ROBO1: variants seen among roughly 807,000 people sequenced by gnomAD.
ROBO1 encodes the protein roundabout homolog 1.
ROBO1 carries 149 observed loss-of-function variants against 195.9 expected under a neutral mutation model. The ratio of observed to expected loss-of-function variants is 0.76; its 90% CI spans 0.67 to 0.87. The LOEUF is 0.87. Among genes scored for constraint, ROBO1 ranks in the 40% least tolerant of loss-of-function variants. The pLI is 0.00. For synonymous variants in ROBO1, 816 were observed against 733.2 expected (o/e 1.11, Z -1.82); for missense variants, 1,933 against 2,068.3 (o/e 0.93, Z 1.27).
At chr3:79,642,313 G>T (rs915973326) in intron 1 of ROBO1, among the ~76,000 whole-genome samples, 13 of 152,050 alleles carry the variant, frequency 8.5e-5, no homozygotes, top group Non-Finnish European at 1.6e-4. Context: ...AGAATTATTA[G>T]TATTCAAGGG....
intron 3 of ROBO1, among the ~76,000 whole-genome samples, chr3:79,052,899 A>G (rs2078730968): frequency 3.3e-5 from 5 of 152,016 alleles, no homozygotes; most frequent in Admixed American, 2.6e-4. Flanking sequence ...CGGGTTAACT[A>G]TGGGTCACAA....
At chr3:79,214,346 C>T (rs754909789) in intron 2 of ROBO1, among the ~76,000 whole-genome samples, 2 of 151,948 alleles carry the variant, frequency 1.3e-5, no homozygotes, top group African/African-American at 2.4e-5. Context: ...AGGTGTTTTT[C>T]GCTTCTCTGT....
intron 2 of ROBO1, among the ~76,000 whole-genome samples, chr3:79,281,925 T>C (rs1328715781): frequency 6.6e-6 from 1 of 152,210 alleles, no homozygotes; most frequent in African/African-American, 2.4e-5. Flanking sequence ...TGAATAAATA[T>C]TTTTGCAACC....
At chr3:79,189,362 A>G (rs2081498498) in intron 2 of ROBO1, among the ~76,000 whole-genome samples, 2 of 151,800 alleles carry the variant, frequency 1.3e-5, no homozygotes, top group South Asian at 4.1e-4. Context: ...TTTTCTTTGA[A>G]CTAAATAAAT....
intron 4 of ROBO1, among the ~76,000 whole-genome samples, chr3:78,811,439 G>C (rs2084736109): frequency 6.6e-6 from 1 of 152,114 alleles, no homozygotes; most frequent in South Asian, 2.1e-4. Context: ...ACAAAGCATA[G>C]TAACCTTGTA....
At chr3:78,600,831 G>C (rs1166652727) in intron 29 of ROBO1, among the ~76,000 whole-genome samples, 9 of 152,088 alleles carry the variant, frequency 5.9e-5, no homozygotes, top group Admixed American at 3.9e-4. Flanking sequence ...TAAGGAATTG[G>C]TAAAAATCAA....
At chr3:79,719,472 T>C (rs1199978479) in intron 1 of ROBO1, among the ~76,000 whole-genome samples, 2 of 152,160 alleles carry the variant, frequency 1.3e-5, no homozygotes, top group Non-Finnish European at 2.9e-5. Context: ...AGGAAAACTT[T>C]TGTGAAGGAG....
intron 4 of ROBO1, among the ~76,000 whole-genome samples, chr3:78,758,304 C>T (rs748726129): frequency 2.0e-5 from 3 of 152,028 alleles, no homozygotes; most frequent in African/African-American, 7.2e-5. Context: ...GGACTGCCTG[C>T]GCCCAGCAGT....
intron 3 of ROBO1, among the ~76,000 whole-genome samples, chr3:78,951,012 CTATATCA>C (rs1470191790): frequency 6.6e-6 from 1 of 151,464 alleles, no homozygotes; most frequent in African/African-American, 2.4e-5. Flanking sequence ...GAGGGAAAAC[CTATATCA>C]TAAATAATAT....
intron 2 of ROBO1, among the ~76,000 whole-genome samples, chr3:79,438,208 C>A (rs947690091): frequency 6.6e-6 from 1 of 151,452 alleles, no homozygotes; most frequent in African/African-American, 2.4e-5. Flanking sequence ...ATTTAAATAC[C>A]TGCATTTTTA....
At position 78,600,186 on chromosome 3, in the gene ROBO1, C is replaced by A. The variant is rs1703087253; in HGVS notation, c.4868G>T (p.Gly1623Val). 2 of 1,613,600 alleles carry A rather than the reference C, an allele frequency of 1.2e-6. No homozygotes were observed. The highest frequency in any genetic ancestry group is 2.2e-5 in the East Asian group (1 of 44,826). ...GSRQREQANV[G>V]RRNIAEMQVL... Reference sequence around the variant, plus strand: ...CTGCATTTCTGCAATATTTCTTCGACCTACATTTGCTTGTTCTCTTTGTCT... The same window carrying A: ...CTGCATTTCTGCAATATTTCTTCGAACTACATTTGCTTGTTCTCTTTGTCT... Residue 1623 changes from glycine to valine, a missense_variant, in exon 30 of 31, where the codon GGT becomes GTT. By Grantham distance (109) the Gly-to-Val change is moderately radical (BLOSUM62 -3). Transcript: ENST00000464233.
intron 3 of ROBO1, among the ~76,000 whole-genome samples, chr3:79,039,732 C>G (rs2078447602): frequency 7.7e-6 from 1 of 129,066 alleles, no homozygotes; most frequent in South Asian, 2.5e-4. Context: ...ACCCGGGAGG[C>G]AGAGGTTGCA....
intron 2 of ROBO1, among the ~76,000 whole-genome samples, chr3:79,271,696 A>G (rs938217436): frequency 3.0e-4 from 46 of 151,412 alleles, no homozygotes; most frequent in African/African-American, 9.4e-4. Context: ...GTATATGTGT[A>G]TATATATATA....
chr3:78,955,366 C>A (rs1047107161), intron 3 of ROBO1, among the ~76,000 whole-genome samples: 1 of 152,090 alleles, frequency 6.6e-6, no homozygotes, highest in South Asian at 2.1e-4. Flanking sequence ...CTCCTCCCAA[C>A]CTTCACCCTC....
At chr3:79,447,143 G>C (rs974403889) in intron 2 of ROBO1, among the ~76,000 whole-genome samples, 2 of 152,070 alleles carry the variant, frequency 1.3e-5, no homozygotes, top group African/African-American at 4.8e-5. Context: ...ATGTAAACTT[G>C]ATTACAGGTG....
At chr3:79,336,028 G>A (rs2034652062) in intron 2 of ROBO1, among the ~76,000 whole-genome samples, 1 of 152,158 alleles carries the variant, frequency 6.6e-6, no homozygotes, top group African/African-American at 2.4e-5. Flanking sequence ...ATGGAACTTT[G>A]AACTTGAGAG....
Position 79,125,528 on chromosome 3 carries a change from C to T in ROBO1, c.100G>A (p.Val34Ile). 1 of 1,613,392 alleles carries T rather than the reference C, an allele frequency of 6.2e-7. No homozygotes were observed. Among genetic ancestry groups the T allele is most frequent in the East Asian group, 2.2e-5 (1 of 44,846 alleles). ...GTCCCGTGGTCGTTCCCCCTCTCTA[C>T]ATCTTCAGGGTCTGTCGGAAACAAC... is the stretch of plus-strand genomic sequence containing the variant. ...LAQLIPDPED[V>I]ERGNDHGTPI... is the part of the protein sequence containing the mutation. The change falls in exon 3 of 31, where the codon GTA (valine) becomes ATA (isoleucine). Residue 34 changes from valine (V) to isoleucine (I), a missense_variant. By Grantham distance (29) the Val-to-Ile change is conservative. Coordinates refer to ENST00000464233, the MANE Select transcript of ROBO1 (RefSeq NM_002941.4).
chr3:79,327,859 A>G (rs959522856), intron 2 of ROBO1, among the ~76,000 whole-genome samples: 4 of 152,308 alleles, frequency 2.6e-5, no homozygotes, highest in African/African-American at 9.6e-5. Context: ...CAACAATGCA[A>G]TAATGGAAAT....
chr3:79,368,922 TTAAG>T (rs2036080067), intron 2 of ROBO1, among the ~76,000 whole-genome samples: 1 of 152,158 alleles, frequency 6.6e-6, no homozygotes, highest in African/African-American at 2.4e-5. Context: ...CAGCAATTCT[TTAAG>T]TAACACCTGC....
Sources: gnomAD v4.1 joint callset for allele counts (sites outside exome capture counted in the v4.1 genomes callset) on GRCh38, gnomAD v4.1.1 for gene constraint, MANE v1.5 for transcripts, NCBI Gene and HGNC (gene_info 2026-07-23, HGNC 2026-07-21) for gene names.